Variants in NSMCE2 observed in about 807,000 individuals in gnomAD.
NSMCE2 encodes NSE2 SUMO ligase component of SMC5/6 complex, also known as E3 SUMO-protein ligase NSE2.
Under a neutral mutation model 23.8 loss-of-function variants are expected in NSMCE2, and 24 were observed. The observed-to-expected ratio is 1.01, with a 90% CI of 0.73 to 1.42. NSMCE2 has a LOEUF of 1.42. Ranked by LOEUF, NSMCE2 falls within the 40% of genes most tolerant of loss-of-function variation. The pLI is 0.00. For synonymous variants in NSMCE2, 92 were observed against 94.1 expected (o/e 0.98, Z 0.13); for missense variants, 284 against 296.5 (o/e 0.96, Z 0.31).
chr8:125,176,356 G>A (rs1364604171), intron 4 of NSMCE2, among the ~76,000 whole-genome samples: 3 of 152,120 alleles, frequency 2.0e-5, no homozygotes, highest in Non-Finnish European at 2.9e-5. Flanking sequence ...CCTAAACTTT[G>A]TGGATATTTT....
chr8:125,199,124 C>G (rs1010439989), intron 5 of NSMCE2, among the ~76,000 whole-genome samples: 7 of 151,948 alleles, frequency 4.6e-5, no homozygotes, highest in Non-Finnish European at 1.0e-4. Context: ...TTTTGTTGAT[C>G]TTTTCAAAAA....
intron 5 of NSMCE2, among the ~76,000 whole-genome samples, chr8:125,350,114 G>A (rs1261324750): frequency 6.6e-6 from 1 of 152,190 alleles, no homozygotes; most frequent in Non-Finnish European, 1.5e-5. Flanking sequence ...GGAAACATCC[G>A]TGAGCAAGAG....
At chr8:125,360,263 G>GT (rs1813473257) in intron 7 of NSMCE2, among the ~76,000 whole-genome samples, 2 of 152,320 alleles carry the variant, frequency 1.3e-5, no homozygotes, top group African/African-American at 4.8e-5. Context: ...TGCAGCAAGT[G>GT]TGAGTTTTGC....
chr8:125,320,232 GA>G (rs377735162), intron 5 of NSMCE2, among the ~76,000 whole-genome samples: 5,506 of 26,644 alleles, frequency 0.21, 434 homozygotes, highest in African/African-American at 0.26. Flanking sequence ...GGGAGGGAGG[GA>G]AGGGAGGGAG....
Position 125,259,196 on chromosome 8 carries a change from C to G in NSMCE2, c.418+76940C>G, listed in dbSNP as rs1313418382. 2.0e-5 allele frequency among the ~76,000 whole-genome samples: 3 copies of G among 151,134 alleles called. No individual in the cohort carries two copies. In the East Asian group the frequency reaches 5.9e-4, roughly 30 times the overall value. ...TGAGCCACTGTACCTGGCCTACTCA[C>G]AGAGCTTTTAAAGAGAAAGTGAGAG... On this transcript the variant is annotated intron_variant, in intron 5 of 7. Transcript: ENST00000287437.
At chr8:125,345,625 G>A (rs981304397) in intron 5 of NSMCE2, among the ~76,000 whole-genome samples, 1 of 152,324 alleles carries the variant, frequency 6.6e-6, no homozygotes, top group African/African-American at 2.4e-5. Context: ...GGAGTCCTGA[G>A]GAGGACTCAC....
At chr8:125,347,958 A>G (rs974563532) in intron 5 of NSMCE2, among the ~76,000 whole-genome samples, 3 of 152,338 alleles carry the variant, frequency 2.0e-5, no homozygotes, top group Non-Finnish European at 4.4e-5. Flanking sequence ...ATGTACGCTG[A>G]AAGATCTTCC....
rs1351892675 is a variant in NSMCE2 at position 125,271,145 on chromosome 8, CA to C, written c.419-86073del. Reference sequence around the variant, plus strand: ...GCATGGTGGTGCGCACCTATAATCCCAGCTACTCAGGAGGCTAAGGCAGGAG... The same window carrying C: ...GCATGGTGGTGCGCACCTATAATCCCGCTACTCAGGAGGCTAAGGCAGGAG... On this transcript the variant is annotated intron_variant, in intron 5 of 7. Transcript: ENST00000287437. Among the ~76,000 whole-genome samples, 14 of 151,852 alleles carry C rather than the reference CA, an allele frequency of 9.2e-5. No individual in the cohort carries two copies. In the East Asian group the frequency reaches 2.7e-3, roughly 29 times the overall value.
intron 5 of NSMCE2, among the ~76,000 whole-genome samples, chr8:125,333,303 G>A: frequency 6.6e-6 from 1 of 150,846 alleles, no homozygotes; most frequent in East Asian, 2.0e-4. Flanking sequence ...CCAAGTAGCT[G>A]GGACTGCAGG....
At chr8:125,320,855 C>T (rs1203250917) in intron 5 of NSMCE2, among the ~76,000 whole-genome samples, 2 of 152,156 alleles carry the variant, frequency 1.3e-5, no homozygotes, top group Admixed American at 6.5e-5. Flanking sequence ...TAATTGGGCT[C>T]ACAGTTCAGT....
chr8:125,261,554 T>C (rs1239539355), intron 5 of NSMCE2, among the ~76,000 whole-genome samples: 7 of 152,196 alleles, frequency 4.6e-5, no homozygotes, highest in Admixed American at 4.6e-4. Context: ...AATAAAACTC[T>C]AGTATCTTGA....
chr8:125,114,980 TTA>T (rs1437075597), intron 3 of NSMCE2, among the ~76,000 whole-genome samples: 1 of 152,226 alleles, frequency 6.6e-6, no homozygotes, highest in Non-Finnish European at 1.5e-5. Context: ...CCCTTATATT[TTA>T]TGTTTCTTTA....
At chr8:125,214,995 C>T (rs1458506753) in intron 5 of NSMCE2, among the ~76,000 whole-genome samples, 1 of 151,870 alleles carries the variant, frequency 6.6e-6, no homozygotes, top group African/African-American at 2.4e-5. Flanking sequence ...TGTCCCTACC[C>T]TCACCTTTGG....
chr8:125,182,311 G>T, intron 5 of NSMCE2, 55 bp downstream of exon 5: 1 of 1,308,298 alleles, frequency 7.6e-7, no homozygotes, highest in Non-Finnish European at 1.1e-6. Context: ...GAACTGACTT[G>T]ATGAACAGCC....
In NSMCE2 at chr8:125,225,840, G is replaced by T. The variant is rs191879357; in HGVS notation, c.418+43584G>T. Among the ~76,000 whole-genome samples, 48 of 152,290 alleles carry T rather than the reference G, an allele frequency of 3.2e-4. No individual in the cohort carries two copies. In the East Asian group the frequency reaches 8.9e-3, roughly 28 times the overall value. ...ACAAATTATCGTACTGTTTGATGAG[G>T]TGTAAAATAACACGCTTTAACTGGA... On this transcript the variant is annotated intron_variant, in intron 5 of 7. Transcript: ENST00000287437.
chr8:125,212,067 G>T (rs1056113609), intron 5 of NSMCE2, among the ~76,000 whole-genome samples: 5 of 152,112 alleles, frequency 3.3e-5, no homozygotes, highest in Non-Finnish European at 7.4e-5. Flanking sequence ...CTATAATTTT[G>T]AATAAGAGAG....
intron 5 of NSMCE2, among the ~76,000 whole-genome samples, chr8:125,202,260 C>T (rs1193877490): frequency 2.0e-5 from 3 of 152,214 alleles, no homozygotes; most frequent in Non-Finnish European, 4.4e-5. Flanking sequence ...AACCAGGAAC[C>T]TCAATTGGAA....
chr8:125,179,103 T>C (rs1436829830), intron 4 of NSMCE2, among the ~76,000 whole-genome samples: 1 of 152,204 alleles, frequency 6.6e-6, no homozygotes, highest in Non-Finnish European at 1.5e-5. Flanking sequence ...GGTACTTTGT[T>C]ATTGCAGCCC....
intron 5 of NSMCE2, among the ~76,000 whole-genome samples, chr8:125,267,218 G>A (rs1826959351): frequency 6.6e-6 from 1 of 151,950 alleles, no homozygotes; most frequent in African/African-American, 2.4e-5. Flanking sequence ...GTGTTGGCCA[G>A]GCTGGTCTCA....
Sources: allele counts gnomAD v4.1 joint callset (sites outside exome capture counted in the v4.1 genomes callset), GRCh38; gene constraint gnomAD v4.1.1; transcripts MANE v1.5; gene names NCBI Gene and HGNC (gene_info 2026-07-23, HGNC 2026-07-21).